Variants in BICC1 observed in about 807,000 individuals in gnomAD.
BICC1 encodes the protein protein bicaudal C homolog 1.
In BICC1, 43 loss-of-function variants were observed where a neutral mutation model predicts 111.0. The observed-to-expected ratio is 0.39, with a 90% confidence interval of 0.30 to 0.50. The LOEUF is 0.50. Ranked by LOEUF, BICC1 falls within the 20% of genes least tolerant of loss-of-function variation. The pLI, the probability that BICC1 is intolerant of heterozygous loss-of-function variation, is 0.88. For missense variants in BICC1, 1,091 were observed against 1,203.2 expected (o/e 0.91, Z 1.38); for synonymous variants, 467 against 434.4 (o/e 1.07, Z -0.93).
intron 3 of BICC1, among the ~76,000 whole-genome samples, chr10:58,743,321 G>C (rs1244535917): frequency 6.6e-6 from 1 of 152,012 alleles, no homozygotes; most frequent in African/African-American, 2.4e-5. Context: ...ATACCAGTCT[G>C]GCTGTCACTT....
intron 17 of BICC1, among the ~76,000 whole-genome samples, chr10:58,808,026 G>T (rs1843765231): frequency 6.6e-6 from 1 of 150,882 alleles, no homozygotes; most frequent in Non-Finnish European, 1.5e-5. Flanking sequence ...CCACCCATTT[G>T]CTTTGTAATA....
chr10:58,817,599 CATTTCCTCGCTG>C lies in BICC1; in HGVS notation c.2573_2584del (p.Ile858_Leu861del), dbSNP rs1160870237. 6.2e-7 allele frequency: 1 copy of C among 1,613,578 alleles called. No homozygotes were observed. The highest frequency in any genetic ancestry group is 2.2e-5 in the East Asian group (1 of 44,838). The stretch of plus-strand genomic sequence containing the variant: ...TCAGCAGTAGCAATTACATGGACTG[CATTTCCTCGCTG>C]ACAGGAAGCAATGGCTGTAACTTAA... On this transcript the variant is annotated inframe_deletion, in exon 19 of 21. Transcript: ENST00000373886.
At chr10:58,613,693 T>C (rs1276812587) in intron 1 of BICC1, among the ~76,000 whole-genome samples, 1 of 152,200 alleles carries the variant, frequency 6.6e-6, no homozygotes, top group Non-Finnish European at 1.5e-5. Flanking sequence ...TTGTCTAGAA[T>C]GAGAATTGCT....
rs553554033 is a variant in BICC1, at chr10:58,774,564, A to G, written c.308-10437A>G. 1.6e-4 allele frequency among the ~76,000 whole-genome samples: 25 copies of G among 152,284 alleles called. No homozygotes were observed. The South Asian group carries it at 5.2e-3, about 32-fold the overall frequency. ...GCTTAGAGCATAAAATAAAATAGAA[A>G]TTACCTGTGACTCTGTTGCTTAGAA... On this transcript the variant is annotated intron_variant, in intron 3 of 20. Transcript: ENST00000373886.
intron 3 of BICC1, among the ~76,000 whole-genome samples, chr10:58,743,384 C>T (rs1841731128): frequency 6.6e-6 from 1 of 151,820 alleles, no homozygotes; most frequent in Admixed American, 6.6e-5. Context: ...TATAGAATGG[C>T]ACACACATGC....
chr10:58,646,857 GA>G (rs2132233652), intron 2 of BICC1, among the ~76,000 whole-genome samples: 1 of 152,128 alleles, frequency 6.6e-6, no homozygotes, highest in East Asian at 1.9e-4. Context: ...AAATACAACA[GA>G]AGGTATTTCT....
intron 1 of BICC1, among the ~76,000 whole-genome samples, chr10:58,561,272 G>A (rs1843596037): frequency 6.6e-6 from 1 of 151,876 alleles, no homozygotes; most frequent in African/African-American, 2.4e-5. Flanking sequence ...TTTTCTGGCT[G>A]AATTGATCTC....
At chr10:58,677,503 G>T (rs1224825938) in intron 2 of BICC1, among the ~76,000 whole-genome samples, 1 of 152,164 alleles carries the variant, frequency 6.6e-6, no homozygotes, top group Non-Finnish European at 1.5e-5. Flanking sequence ...AGAGAAAAAA[G>T]AATAAAAAGG....
intron 3 of BICC1, among the ~76,000 whole-genome samples, chr10:58,738,207 T>C (rs535487883): frequency 1.4e-4 from 22 of 152,294 alleles, no homozygotes; most frequent in South Asian, 2.1e-4. Context: ...TCTTCTAGGG[T>C]TTTTATGGTT....
chr10:58,674,951 A>C (rs971849136), intron 2 of BICC1, among the ~76,000 whole-genome samples: 20 of 152,144 alleles, frequency 1.3e-4, no homozygotes, highest in African/African-American at 4.8e-4. Context: ...AGATGTTGTA[A>C]TTAGGGGAGG....
intron 3 of BICC1, among the ~76,000 whole-genome samples, chr10:58,779,825 C>T (rs538633204): frequency 6.6e-6 from 1 of 152,280 alleles, no homozygotes; most frequent in Non-Finnish European, 1.5e-5. Context: ...CCTAGCTTTT[C>T]CCTATATGAT....
chr10:58,545,374 T>C (rs1313263064), intron 1 of BICC1, among the ~76,000 whole-genome samples: 1 of 152,148 alleles, frequency 6.6e-6, no homozygotes, highest in African/African-American at 2.4e-5. Context: ...AATTGAGAAA[T>C]TAACGTTGAC....
At chr10:58,616,850 C>A (rs967641035) in intron 1 of BICC1, among the ~76,000 whole-genome samples, 2 of 152,256 alleles carry the variant, frequency 1.3e-5, no homozygotes, top group African/African-American at 4.8e-5. Context: ...CACCATATGT[C>A]ATGGTCTTGT....
At chr10:58,698,169 T>G (rs1456415595) in intron 2 of BICC1, among the ~76,000 whole-genome samples, 1 of 152,172 alleles carries the variant, frequency 6.6e-6, no homozygotes, top group Non-Finnish European at 1.5e-5. Context: ...GGAGTGTCAG[T>G]TAAGCACAGG....
At chr10:58,749,856 G>A in intron 3 of BICC1, among the ~76,000 whole-genome samples, 1 of 152,086 alleles carries the variant, frequency 6.6e-6, no homozygotes, top group East Asian at 1.9e-4. Context: ...AAACAGTGTG[G>A]ATCAACAAAA....
intron 17 of BICC1, among the ~76,000 whole-genome samples, chr10:58,811,892 A>C (rs1304023951): frequency 1.3e-5 from 2 of 152,198 alleles, no homozygotes; most frequent in Non-Finnish European, 2.9e-5. Context: ...ATCACCCCAG[A>C]GTCAGAACCA....
At chr10:58,762,057 G>A (rs892256749) in intron 3 of BICC1, among the ~76,000 whole-genome samples, 2 of 152,008 alleles carry the variant, frequency 1.3e-5, no homozygotes, top group African/African-American at 2.4e-5. Context: ...CACCGCCCTC[G>A]CTCTCAGTGC....
At chr10:58,819,638 T>C (rs1844197635) in intron 19 of BICC1, among the ~76,000 whole-genome samples, 4 of 152,134 alleles carry the variant, frequency 2.6e-5, no homozygotes, top group African/African-American at 9.7e-5. Flanking sequence ...TCTATAGTTA[T>C]AGTGAATGCT....
chr10:58,619,348 T>C (rs1247506714), intron 1 of BICC1, among the ~76,000 whole-genome samples: 1 of 152,140 alleles, frequency 6.6e-6, no homozygotes, highest in Admixed American at 6.6e-5. Flanking sequence ...AATGTGTTGG[T>C]AAAAAATACA....
Sources: allele counts gnomAD v4.1 joint callset (sites outside exome capture counted in the v4.1 genomes callset), GRCh38; gene constraint gnomAD v4.1.1; transcripts MANE v1.5; gene names NCBI Gene and HGNC (gene_info 2026-07-23, HGNC 2026-07-21).